TNFRSF11B: variants seen among roughly 807,000 people sequenced by gnomAD.
The protein encoded by TNFRSF11B is tumor necrosis factor receptor superfamily member 11B.
In TNFRSF11B, 16 loss-of-function variants were observed where a neutral mutation model predicts 43.4. That is an observed-to-expected ratio of 0.37 (90% CI 0.25 to 0.56). The LOEUF is 0.56. Among genes scored for constraint, TNFRSF11B ranks in the 20% least tolerant of loss-of-function variants. The pLI is 0.80. For missense variants in TNFRSF11B, 444 were observed against 490.1 expected, an observed-to-expected ratio of 0.91 and a Z score of 0.89; for synonymous variants, 185 against 181.8, an observed-to-expected ratio of 1.02 and a Z score of -0.14.
chr8:118,933,439 A>G (rs945574079), intron 1 of TNFRSF11B, 139 bp from the exon 2 acceptor site: 2 of 1,324,826 alleles, frequency 1.5e-6, no homozygotes, highest in Non-Finnish European at 1.0e-6. Context: ...CTTGGAAGCC[A>G]TAATTTTTGC....
rs1194312147 is a variant in TNFRSF11B at position 118,951,858 on chromosome 8, G to C, written c.-37C>G. On this transcript the variant is annotated 5_prime_UTR_variant, in exon 1 of 5. Coordinates refer to ENST00000297350, the MANE Select transcript of TNFRSF11B (RefSeq NM_002546.4). ...GAAACCTCAGGGGCTTGGAGGCGGC[G>C]GCTGGGCGAGCGCTCCGGTGCGTCT... is the stretch of plus-strand genomic sequence containing the variant. The C allele has an allele frequency of 1.3e-6, 2 of 1,565,750 alleles. No individual in the cohort carries two copies. The highest frequency in any genetic ancestry group is 1.2e-5 in the South Asian group (1 of 85,220).
intron 1 of TNFRSF11B, among the ~76,000 whole-genome samples, chr8:118,948,977 C>T (rs1312932170): frequency 6.6e-6 from 1 of 152,126 alleles, no homozygotes; most frequent in Non-Finnish European, 1.5e-5. Context: ...AACATTAATT[C>T]AGAACTTAGC....
At chr8:118,927,566 T>TG (rs957757483) in intron 3 of TNFRSF11B, among the ~76,000 whole-genome samples, 1 of 151,558 alleles carries the variant, frequency 6.6e-6, no homozygotes, top group Non-Finnish European at 1.5e-5. Context: ...TTTTTTTTTT[T>TG]TTTAGATAAG....
chr8:118,934,707 C>T (rs990618745), intron 1 of TNFRSF11B, among the ~76,000 whole-genome samples: 3 of 152,080 alleles, frequency 2.0e-5, no homozygotes, highest in Admixed American at 6.5e-5. Flanking sequence ...GTTTTTGGTA[C>T]AGAGATCAAC....
At chr8:118,939,826 G>A (rs1381579188) in intron 1 of TNFRSF11B, among the ~76,000 whole-genome samples, 1 of 152,154 alleles carries the variant, frequency 6.6e-6, no homozygotes, top group Non-Finnish European at 1.5e-5. Flanking sequence ...AGACTGGAGT[G>A]ACATTACCCA....
chr8:118,940,001 T>TA (rs1490030177), intron 1 of TNFRSF11B, among the ~76,000 whole-genome samples: 5 of 152,094 alleles, frequency 3.3e-5, no homozygotes, highest in African/African-American at 1.2e-4. Context: ...TATGCAGCCA[T>TA]AAAAAAGGAT....
chr8:118,942,283 A>C (rs1812497934), intron 1 of TNFRSF11B, among the ~76,000 whole-genome samples: 2 of 130,958 alleles, frequency 1.5e-5, no homozygotes, highest in Non-Finnish European at 3.1e-5. Flanking sequence ...AAGTTTGAAC[A>C]TCAATATTTA....
At chr8:118,946,025 A>T (rs986274682) in intron 1 of TNFRSF11B, among the ~76,000 whole-genome samples, 3 of 152,138 alleles carry the variant, frequency 2.0e-5, no homozygotes, top group Admixed American at 6.6e-5. Flanking sequence ...AGAGAGGTGA[A>T]TTTTTTTAAA....
At chr8:118,939,179 T>TTG (rs1289998894) in intron 1 of TNFRSF11B, among the ~76,000 whole-genome samples, 2 of 152,236 alleles carry the variant, frequency 1.3e-5, no homozygotes, top group Non-Finnish European at 2.9e-5. Flanking sequence ...TTATGAAAGT[T>TTG]ATCAAAAACT....
chr8:118,924,711 A>T lies in TNFRSF11B; in HGVS notation c.869T>A (p.Leu290His). ...SVQRHIGHAN[L>H]TFEQLRSLME... Reference sequence around the variant, plus strand: ...CAAGCTACGAAGCTGCTCGAAGGTGAGGTTAGCATGTCCAATGTGCCGCTG... The same window carrying T: ...CAAGCTACGAAGCTGCTCGAAGGTGTGGTTAGCATGTCCAATGTGCCGCTG... The change falls in exon 5 of 5, where the codon CTC (leucine) becomes CAC (histidine). Residue 290 changes from leucine (L) to histidine (H), a missense_variant. Coordinates refer to ENST00000297350, the MANE Select transcript of TNFRSF11B (RefSeq NM_002546.4). The T allele has an allele frequency of 6.2e-7, 1 of 1,614,158 alleles. No homozygotes were observed. The highest frequency in any genetic ancestry group is 8.5e-7 in the Non-Finnish European group (1 of 1,180,028).
intron 1 of TNFRSF11B, among the ~76,000 whole-genome samples, chr8:118,943,185 C>T (rs1043680417): frequency 6.6e-6 from 1 of 152,140 alleles, no homozygotes; most frequent in Non-Finnish European, 1.5e-5. Context: ...ACTCATCATA[C>T]ACTTATTCCT....
intron 1 of TNFRSF11B, among the ~76,000 whole-genome samples, chr8:118,950,723 CATACTT>C (rs1456451100): frequency 6.6e-6 from 1 of 152,168 alleles, no homozygotes; most frequent in African/African-American, 2.4e-5. Context: ...TATATTTTAA[CATACTT>C]ATGGGTAGAT....
chr8:118,924,476 G>C lies in TNFRSF11B; in HGVS notation c.1104C>G (p.Thr368=), dbSNP rs779272711. 1 of 1,613,978 alleles carries C rather than the reference G, an allele frequency of 6.2e-7. No individual in the cohort carries two copies. The highest frequency in any genetic ancestry group is 1.1e-5 in the South Asian group (1 of 91,076). ...TTGTGAAGCTGTGAAGGAACCTGAT[G>C]GTCTTCTTTAGACTCTGAGTGACAG... The part of the protein sequence containing the change: ...PKTVTQSLKK[T]IRFLHSFTMY... The change falls in exon 5 of 5, where the codon ACC becomes ACG. Residue 368 remains threonine, a synonymous_variant. Coordinates refer to ENST00000297350, the MANE Select transcript of TNFRSF11B (RefSeq NM_002546.4).
In TNFRSF11B at chr8:118,932,993, A is replaced by G; in HGVS notation, c.338T>C (p.Leu113Pro). The G allele has an allele frequency of 1.9e-6, 3 of 1,614,122 alleles. No homozygotes were observed. Among genetic ancestry groups the G allele is most frequent in the Non-Finnish European group, 2.5e-6 (3 of 1,180,016 alleles). The change falls in exon 2 of 5, where the codon CTT becomes CCT. Residue 113 changes from leucine (L) to proline (P), a missense_variant. Transcript: ENST00000297350. The part of the protein sequence containing the change: ...RVCECKEGRY[L>P]EIEFCLKHRS... Reference sequence around the variant, plus strand: ...ATGTTTCAAGCAGAACTCTATCTCAAGGTAGCGCCCTTCCTTGCATTCGCA... The same window carrying G: ...ATGTTTCAAGCAGAACTCTATCTCAGGGTAGCGCCCTTCCTTGCATTCGCA...
chr8:118,939,549 G>GGT (rs1812450295), intron 1 of TNFRSF11B, among the ~76,000 whole-genome samples: 1 of 152,078 alleles, frequency 6.6e-6, no homozygotes, highest in Non-Finnish European at 1.5e-5. Context: ...GGGAGGGGGT[G>GGT]GTGCTAGGAA....
At chr8:118,951,715 C>T (rs1350584048) in intron 1 of TNFRSF11B, 77 bp downstream of exon 1, 4 of 1,417,342 alleles carry the variant, frequency 2.8e-6, no homozygotes, top group Non-Finnish European at 3.9e-6. Flanking sequence ...CCCCGCCGGT[C>T]CGCTGGGAGG....
At chr8:118,929,215 C>A (rs1201470514) in intron 2 of TNFRSF11B, 2 of 464,904 alleles carry the variant, frequency 4.3e-6, no homozygotes, top group East Asian at 8.5e-5. Flanking sequence ...GTAGGGTGTT[C>A]ATTAGTCCAG....
intron 1 of TNFRSF11B, among the ~76,000 whole-genome samples, chr8:118,935,366 G>A (rs1007116683): frequency 6.6e-6 from 1 of 152,154 alleles, no homozygotes; most frequent in Non-Finnish European, 1.5e-5. Flanking sequence ...ATCATGGAGG[G>A]AACTTAGCAT....
chr8:118,927,574 A>G (rs1193480376), intron 3 of TNFRSF11B, among the ~76,000 whole-genome samples: 1 of 138,254 alleles, frequency 7.2e-6, no homozygotes, highest in Non-Finnish European at 1.6e-5. Context: ...TTTTTTAGAT[A>G]AGAAAGCAAA....
Sources: gnomAD v4.1 joint callset for allele counts (sites outside exome capture counted in the v4.1 genomes callset) on GRCh38, gnomAD v4.1.1 for gene constraint, MANE v1.5 for transcripts, NCBI Gene and HGNC (gene_info 2026-07-23, HGNC 2026-07-21) for gene names.